Variants in LRFN5 observed in about 807,000 individuals in gnomAD.
LRFN5 encodes the protein leucine-rich repeat and fibronectin type-III domain-containing protein 5.
Under a neutral mutation model 45.6 loss-of-function variants are expected in LRFN5, and 24 were observed. The observed-to-expected ratio is 0.53, with a 90% confidence interval of 0.38 to 0.74. The LOEUF is 0.74. LRFN5 is among the 30% of genes least tolerant of loss of function. The pLI is 0.00. For synonymous variants in LRFN5, 340 were observed against 313.8 expected (o/e 1.08, Z -0.88); for missense variants, 776 against 861.5 (o/e 0.90, Z 1.24).
At chr14:41,705,094 T>A (rs888576099) in intron 1 of LRFN5, among the ~76,000 whole-genome samples, 1 of 152,118 alleles carries the variant, frequency 6.6e-6, no homozygotes, top group Non-Finnish European at 1.5e-5. Context: ...AAATGTACCA[T>A]TTTTCAAAAG....
Position 41,752,925 on chromosome 14 carries a change from G to C in LRFN5, c.-196-13929G>C, listed in dbSNP as rs12891286. Among the ~76,000 whole-genome samples, 598 of 152,086 alleles carry C rather than the reference G, an allele frequency of 3.9e-3. 4 individuals are homozygous for C. Among genetic ancestry groups the C allele is most frequent in the South Asian group, 9.6e-3 (46 of 4,816 alleles). ...TTTAACATTTAAGTCTTTAATCCAT[G>C]TTGAATTAATTTTTGTATAAGGTGT... On this transcript the variant is annotated intron_variant, in intron 1 of 5. Coordinates refer to ENST00000298119, the MANE Select transcript of LRFN5 (RefSeq NM_152447.5).
At chr14:41,650,236 T>TACACACACACAC (rs1555351105) in intron 1 of LRFN5, among the ~76,000 whole-genome samples, 8 of 128,212 alleles carry the variant, frequency 6.2e-5, no homozygotes, top group East Asian at 2.7e-4. Flanking sequence ...TCTACAAAAA[T>TACACACACACAC]ACACACACAC....
At chr14:41,765,198 C>T (rs1166492564) in intron 1 of LRFN5, among the ~76,000 whole-genome samples, 6 of 151,990 alleles carry the variant, frequency 3.9e-5, no homozygotes, top group South Asian at 2.1e-4. Flanking sequence ...AAAAATTAGC[C>T]GGGCGTAGTG....
intron 1 of LRFN5, among the ~76,000 whole-genome samples, chr14:41,623,353 G>A (rs941854507): frequency 2.0e-5 from 3 of 152,116 alleles, no homozygotes; most frequent in African/African-American, 2.4e-5. Flanking sequence ...TAAGTTTCCC[G>A]AGGCTTCCCC....
At chr14:41,718,230 T>C (rs1030216872) in intron 1 of LRFN5, among the ~76,000 whole-genome samples, 2 of 152,184 alleles carry the variant, frequency 1.3e-5, no homozygotes, top group African/African-American at 4.8e-5. Flanking sequence ...AAAGGAAATA[T>C]CATATCTATT....
chr14:41,714,252 A>G (rs1883397391), intron 1 of LRFN5, among the ~76,000 whole-genome samples: 1 of 152,176 alleles, frequency 6.6e-6, no homozygotes, highest in Non-Finnish European at 1.5e-5. Context: ...GTTGATATTT[A>G]GAGGGATACT....
intron 1 of LRFN5, among the ~76,000 whole-genome samples, chr14:41,675,351 G>A (rs367913302): frequency 3.9e-5 from 6 of 152,250 alleles, no homozygotes; most frequent in East Asian, 1.9e-4. Flanking sequence ...CTGCAATCCC[G>A]GCACCTCGGG....
At chr14:41,896,302 ATTTT>A (rs59983825) in intron 4 of LRFN5, among the ~76,000 whole-genome samples, 1,756 of 152,260 alleles carry the variant, frequency 0.012, 31 homozygotes, top group African/African-American at 0.041. Context: ...TTCCAATTGG[ATTTT>A]ATCATGCTAA....
intron 2 of LRFN5, among the ~76,000 whole-genome samples, chr14:41,804,367 C>G (rs34217772): frequency 0.16 from 24,343 of 151,874 alleles, 2,035 homozygotes; most frequent in Admixed American, 0.18. Context: ...CTGGGTGGAG[C>G]CATTTGGTCA....
At chr14:41,859,255 T>A (rs1331818622) in intron 2 of LRFN5, among the ~76,000 whole-genome samples, 2 of 152,100 alleles carry the variant, frequency 1.3e-5, no homozygotes, top group African/African-American at 4.8e-5. Flanking sequence ...TCATGAAAAA[T>A]CAGACTATAT....
chr14:41,881,143 T>C (rs1478138689), intron 2 of LRFN5, among the ~76,000 whole-genome samples: 3 of 152,120 alleles, frequency 2.0e-5, no homozygotes, highest in African/African-American at 7.2e-5. Flanking sequence ...ACCTTGGCAG[T>C]GATTTTCTAT....
chr14:41,809,975 A>G (rs1887682088), intron 2 of LRFN5, among the ~76,000 whole-genome samples: 1 of 152,058 alleles, frequency 6.6e-6, no homozygotes, highest in South Asian at 2.1e-4. Context: ...CTATGACCAG[A>G]AAGTGTGGAT....
intron 2 of LRFN5, among the ~76,000 whole-genome samples, chr14:41,780,504 T>C (rs1210890198): frequency 6.6e-6 from 1 of 152,108 alleles, no homozygotes; most frequent in Non-Finnish European, 1.5e-5. Flanking sequence ...TACTTCAGCT[T>C]TCTTTTGATT....
intron 2 of LRFN5, among the ~76,000 whole-genome samples, chr14:41,812,905 T>C (rs1342661746): frequency 6.6e-6 from 1 of 152,072 alleles, no homozygotes; most frequent in East Asian, 1.9e-4. Flanking sequence ...AATGGGGTGG[T>C]GATTTGAAGA....
At chr14:41,616,383 A>G (rs1202529149) in intron 1 of LRFN5, among the ~76,000 whole-genome samples, 3 of 152,170 alleles carry the variant, frequency 2.0e-5, no homozygotes, top group Non-Finnish European at 4.4e-5. Flanking sequence ...GCCACTCTAG[A>G]AAAGTTGCAG....
At chr14:41,772,396 T>C (rs1450400812) in intron 2 of LRFN5, among the ~76,000 whole-genome samples, 2 of 152,182 alleles carry the variant, frequency 1.3e-5, no homozygotes, top group Admixed American at 6.5e-5. Context: ...CCGTAAAATA[T>C]GATCCACAAA....
At chr14:41,710,901 G>A (rs1160219565) in intron 1 of LRFN5, among the ~76,000 whole-genome samples, 1 of 141,276 alleles carries the variant, frequency 7.1e-6, no homozygotes. Context: ...CAGAATGATG[G>A]TTTGCAGCTT....
At chr14:41,788,262 T>A (rs545073477) in intron 2 of LRFN5, among the ~76,000 whole-genome samples, 1 of 152,276 alleles carries the variant, frequency 6.6e-6, no homozygotes, top group Admixed American at 6.5e-5. Flanking sequence ...GTTCATTATA[T>A]CTCTGAATAT....
chr14:41,896,052 T>C (rs561893601), intron 4 of LRFN5, among the ~76,000 whole-genome samples: 25 of 152,146 alleles, frequency 1.6e-4, no homozygotes, highest in Non-Finnish European at 3.4e-4. Context: ...AAAGAAAATA[T>C]ATCATTTATA....
Sources: gnomAD v4.1 joint callset for allele counts (sites outside exome capture counted in the v4.1 genomes callset) on GRCh38, gnomAD v4.1.1 for gene constraint, MANE v1.5 for transcripts, NCBI Gene and HGNC (gene_info 2026-07-23, HGNC 2026-07-21) for gene names.